Variants in NRG1 observed in about 807,000 individuals in gnomAD.
The protein encoded by NRG1 is neuregulin 1.
A neutral mutation model predicts 63.8 loss-of-function variants in NRG1; 18 were observed. That is an observed-to-expected ratio of 0.28 (90% CI 0.19 to 0.42). NRG1 has a LOEUF of 0.42. Ranked by LOEUF, NRG1 falls within the 10% of genes least tolerant of loss-of-function variation. The pLI, the probability that NRG1 is intolerant of heterozygous loss-of-function variation, is 1.00. For missense variants in NRG1, 762 were observed against 814.7 expected, an observed-to-expected ratio of 0.94 and a Z score of 0.79; for synonymous variants, 302 against 301.3, an observed-to-expected ratio of 1.00 and a Z score of -0.02.
intron 1 of NRG1, among the ~76,000 whole-genome samples, chr8:31,991,051 A>G (rs1810974423): frequency 6.6e-6 from 1 of 152,074 alleles, no homozygotes; most frequent in African/African-American, 2.4e-5. Context: ...TCAGTTATAA[A>G]TGTTAATAGC....
chr8:31,709,442 T>A (rs1811516883), intron 1 of NRG1, among the ~76,000 whole-genome samples: 1 of 152,070 alleles, frequency 6.6e-6, no homozygotes, highest in Non-Finnish European at 1.5e-5. Context: ...CTTTATAAAG[T>A]TTTGATATTA....
At chr8:32,718,399 A>C (rs1052984813) in intron 5 of NRG1, among the ~76,000 whole-genome samples, 1 of 152,148 alleles carries the variant, frequency 6.6e-6, no homozygotes, top group East Asian at 1.9e-4. Context: ...ATTTTCTTGC[A>C]AACACTGTTA....
chr8:32,219,774 T>C (rs1201509869), intron 1 of NRG1, among the ~76,000 whole-genome samples: 1 of 152,182 alleles, frequency 6.6e-6, no homozygotes, highest in East Asian at 1.9e-4. Context: ...TCCTGTGAAG[T>C]TGTTTAATTA....
At chr8:32,073,096 T>A (rs1825985405) in intron 1 of NRG1, among the ~76,000 whole-genome samples, 1 of 152,224 alleles carries the variant, frequency 6.6e-6, no homozygotes, top group African/African-American at 2.4e-5. Flanking sequence ...AGTTCTGGCC[T>A]CTATCTCTGA....
intron 1 of NRG1, among the ~76,000 whole-genome samples, chr8:32,291,735 G>T (rs2129474100): frequency 6.6e-6 from 1 of 151,916 alleles, no homozygotes; most frequent in East Asian, 1.9e-4. Context: ...AGTAGAAATG[G>T]GGTTTCACCA....
chr8:32,005,072 A>G (rs1340442554), intron 1 of NRG1, among the ~76,000 whole-genome samples: 1 of 151,456 alleles, frequency 6.6e-6, no homozygotes, highest in African/African-American at 2.4e-5. Flanking sequence ...AAGGAATAGA[A>G]AGGGAAAGAG....
chr8:31,981,769 G>A (rs1809142636), intron 1 of NRG1, among the ~76,000 whole-genome samples: 1 of 151,764 alleles, frequency 6.6e-6, no homozygotes, highest in African/African-American at 2.4e-5. Flanking sequence ...CCCTCTGGGG[G>A]ATGCAGATAA....
chr8:31,711,921 C>T (rs1201952198), intron 1 of NRG1, among the ~76,000 whole-genome samples: 2 of 152,128 alleles, frequency 1.3e-5, no homozygotes, highest in Non-Finnish European at 2.9e-5. Context: ...CCCACATGAC[C>T]TAATCACCTC....
intron 1 of NRG1, among the ~76,000 whole-genome samples, chr8:32,239,723 C>T (rs377599193): frequency 9.2e-5 from 14 of 152,058 alleles, no homozygotes; most frequent in South Asian, 4.2e-4. Context: ...AAAATCCAAA[C>T]GATCCAATTA....
chr8:32,468,596 A>G (rs1823364852), intron 1 of NRG1, among the ~76,000 whole-genome samples: 1 of 152,116 alleles, frequency 6.6e-6, no homozygotes, highest in South Asian at 2.1e-4. Context: ...AAACTTATAT[A>G]TGTTCTTCCT....
intron 1 of NRG1, among the ~76,000 whole-genome samples, chr8:32,342,617 C>A (rs909385623): frequency 1.3e-5 from 2 of 152,166 alleles, no homozygotes; most frequent in African/African-American, 2.4e-5. Flanking sequence ...CCACTCTCAC[C>A]TTTCCCCTTG....
At chr8:32,720,506 C>T (rs200495820) in intron 5 of NRG1, among the ~76,000 whole-genome samples, 26 of 152,126 alleles carry the variant, frequency 1.7e-4, no homozygotes, top group Non-Finnish European at 3.1e-4. Flanking sequence ...TTGTGGACTC[C>T]GGCTATGGAA....
chr8:31,876,053 A>ACAAG (rs1217242433), intron 1 of NRG1, among the ~76,000 whole-genome samples: 3 of 151,840 alleles, frequency 2.0e-5, no homozygotes, highest in Non-Finnish European at 2.9e-5. Flanking sequence ...AAACAAACAA[A>ACAAG]CAAACAAACA....
chr8:32,719,178 A>G (rs980447019), intron 5 of NRG1, among the ~76,000 whole-genome samples: 3 of 152,148 alleles, frequency 2.0e-5, no homozygotes. Context: ...ATATCATTCT[A>G]GTTTTACAAT....
At chr8:32,071,687 A>G (rs894028896) in intron 1 of NRG1, among the ~76,000 whole-genome samples, 2 of 152,224 alleles carry the variant, frequency 1.3e-5, no homozygotes, top group African/African-American at 4.8e-5. Context: ...TTTGAAAACT[A>G]CCTGCAGTGA....
chr8:31,800,273 G>A (rs1289792049), intron 1 of NRG1, among the ~76,000 whole-genome samples: 1 of 152,168 alleles, frequency 6.6e-6, no homozygotes, highest in African/African-American at 2.4e-5. Flanking sequence ...AAAGGATAGA[G>A]CAGGTGGTGG....
intron 1 of NRG1, among the ~76,000 whole-genome samples, chr8:31,784,437 G>A (rs1819989326): frequency 6.6e-6 from 1 of 152,272 alleles, no homozygotes; most frequent in Admixed American, 6.5e-5. Flanking sequence ...AAAGATAAAT[G>A]TAATTGTTTT....
intron 1 of NRG1, among the ~76,000 whole-genome samples, chr8:31,794,419 T>A (rs984051533): frequency 1.3e-5 from 2 of 151,504 alleles, no homozygotes; most frequent in African/African-American, 2.4e-5. Flanking sequence ...CAAAGATAAT[T>A]AAAACATTGT....
chr8:32,124,489 G>A (rs1024440523), intron 1 of NRG1, among the ~76,000 whole-genome samples: 1 of 151,596 alleles, frequency 6.6e-6, no homozygotes, highest in South Asian at 2.1e-4. Context: ...AATATTTATG[G>A]AGCCCCGAAA....
Sources: allele counts gnomAD v4.1 joint callset (sites outside exome capture counted in the v4.1 genomes callset), GRCh38; gene constraint gnomAD v4.1.1; transcripts MANE v1.5; gene names NCBI Gene and HGNC (gene_info 2026-07-23, HGNC 2026-07-21).